The following DPP6 variants were observed in gnomAD, a reference collection of about 807,000 sequenced individuals.
DPP6 encodes dipeptidyl peptidase like 6, also known as A-type potassium channel modulatory protein DPP6.
Under a neutral mutation model 122.6 loss-of-function variants are expected in DPP6, and 69 were observed. The observed-to-expected ratio is 0.56, with a 90% CI of 0.46 to 0.69. The LOEUF (loss-of-function observed/expected upper bound fraction) is 0.69. Ranked by LOEUF, DPP6 falls within the 30% of genes least tolerant of loss-of-function variation. The pLI, the probability that DPP6 is intolerant of heterozygous loss-of-function variation, is 0.00. For synonymous variants in DPP6, 418 were observed against 433.1 expected, an observed-to-expected ratio of 0.97 and a Z score of 0.43; for missense variants, 928 against 1,116.9, an observed-to-expected ratio of 0.83 and a Z score of 2.41.
At chr7:154,497,800 G>T (rs567153986) in intron 3 of DPP6, among the ~76,000 whole-genome samples, 2 of 151,856 alleles carry the variant, frequency 1.3e-5, no homozygotes, top group African/African-American at 4.8e-5. Flanking sequence ...TAAAACAAAG[G>T]GTCGTCAATA....
chr7:154,412,453 A>G (rs1816684116), intron 1 of DPP6, among the ~76,000 whole-genome samples: 1 of 152,010 alleles, frequency 6.6e-6, no homozygotes, highest in Admixed American at 6.6e-5. Flanking sequence ...CTCTTCTTTT[A>G]AGAACAGTGC....
At chr7:154,456,564 GC>G (rs369438653) in intron 2 of DPP6, among the ~76,000 whole-genome samples, 3 of 96,702 alleles carry the variant, frequency 3.1e-5, no homozygotes, top group Non-Finnish European at 4.6e-5. Flanking sequence ...TAAAAAATGC[GC>G]CCCCCCCACC....
intron 5 of DPP6, among the ~76,000 whole-genome samples, chr7:154,579,701 CAG>C (rs1007662398): frequency 6.6e-6 from 1 of 152,136 alleles, no homozygotes; most frequent in African/African-American, 2.4e-5. Flanking sequence ...GCAGGAGTGA[CAG>C]AGAGGAACAG....
chr7:154,147,368 A>G (rs146774253), intron 1 of DPP6, among the ~76,000 whole-genome samples: 5,615 of 143,244 alleles, frequency 0.039, no homozygotes, highest in African/African-American at 0.15. Flanking sequence ...AAAAGTCTCA[A>G]TGGAATCTAT....
intron 5 of DPP6, among the ~76,000 whole-genome samples, chr7:154,615,309 A>G (rs1425595610): frequency 1.3e-5 from 2 of 152,134 alleles, no homozygotes; most frequent in African/African-American, 4.8e-5. Context: ...GCAATTCCTG[A>G]TAGTGAAATA....
chr7:154,250,187 A>G (rs1166581607), intron 1 of DPP6, among the ~76,000 whole-genome samples: 1 of 151,910 alleles, frequency 6.6e-6, no homozygotes, highest in Non-Finnish European at 1.5e-5. Context: ...GGAATTGCTC[A>G]CTCGGGAGCT....
chr7:154,727,619 C>A, intron 7 of DPP6, 148 bp from the exon 8 acceptor site: 1 of 1,102,630 alleles, frequency 9.1e-7, no homozygotes. Flanking sequence ...GTGGGTAGAC[C>A]TCCAAGAATT....
At chr7:154,882,574 A>T (rs1346235492) in intron 21 of DPP6, among the ~76,000 whole-genome samples, 1 of 152,006 alleles carries the variant, frequency 6.6e-6, no homozygotes. Flanking sequence ...AGGACCTGGG[A>T]CACAGAGCCC....
the DPP6 span, among the ~76,000 whole-genome samples, chr7:153,754,542 C>A: frequency 0.48 from 72,107 of 151,004 alleles, 17,369 homozygotes; most frequent in East Asian, 0.67. Context: ...ATATTTATTA[C>A]CGTAGTGGGT....
intron 8 of DPP6, among the ~76,000 whole-genome samples, chr7:154,739,426 G>T (rs1842717683): frequency 6.6e-6 from 1 of 152,172 alleles, no homozygotes; most frequent in Admixed American, 6.5e-5. Flanking sequence ...GGGACGCCAG[G>T]GGTCCATCTG....
chr7:154,197,028 C>T (rs77455549), intron 1 of DPP6, among the ~76,000 whole-genome samples: 4,974 of 152,042 alleles, frequency 0.033, 292 homozygotes, highest in African/African-American at 0.11. Context: ...CTCTTCTCCC[C>T]ATAAAGTCTC....
chr7:154,448,553 T>G (rs903988707), intron 2 of DPP6, among the ~76,000 whole-genome samples: 3 of 152,172 alleles, frequency 2.0e-5, no homozygotes, highest in African/African-American at 4.8e-5. Context: ...CCCTCTTTCT[T>G]TCTTAAAGAA....
Position 154,481,365 on chromosome 7 carries a change from G to GTC in DPP6, c.457+6329_457+6330insCT, listed in dbSNP as rs1268985017. ...GAGAGGGGTGTGTGTGTGTGTGTGTGTGTGTGTGTCTGTGTGTGTGTGCAT... is the reference window on the plus strand; with the variant it reads ...GAGAGGGGTGTGTGTGTGTGTGTGTGTCTGTGTGTGTCTGTGTGTGTGTGCAT... On this transcript the variant is annotated intron_variant, in intron 3 of 25. Transcript: ENST00000377770. The surrounding 1 kb of genome is among the most constrained non-coding windows in gnomAD (Gnocchi z 4.2). Among the ~76,000 whole-genome samples the GTC allele has an allele frequency of 1.3e-5, 2 of 151,628 alleles. No individual in the cohort carries two copies. Among genetic ancestry groups the GTC allele is most frequent in the African/African-American group, 4.8e-5 (2 of 41,252 alleles).
At chr7:154,742,526 G>T (rs111769992) in intron 8 of DPP6, among the ~76,000 whole-genome samples, 10 of 152,314 alleles carry the variant, frequency 6.6e-5, no homozygotes, top group African/African-American at 2.4e-4. Context: ...GATAGGACCA[G>T]ATCATAGCTC....
chr7:154,419,802 G>A lies in DPP6; in HGVS notation c.244-26412G>A, dbSNP rs1298541506. ...CCTCTATACTCTTTTTCTCATAACA[G>A]CAGCACCGTTTTGAATTCCCACCAG... On this transcript the variant is annotated intron_variant, in intron 1 of 25. Transcript: ENST00000377770. 6.6e-5 allele frequency among the ~76,000 whole-genome samples: 10 copies of A among 152,228 alleles called. No homozygotes were observed. In the South Asian group the frequency reaches 2.1e-3, roughly 32 times the overall value.
intron 1 of DPP6, among the ~76,000 whole-genome samples, chr7:154,160,663 C>A (rs1796935215): frequency 6.6e-6 from 1 of 152,120 alleles, no homozygotes; most frequent in African/African-American, 2.4e-5. Context: ...AGTAGCCAAA[C>A]CCGGTATACC....
At chr7:154,379,096 A>T (rs1813372301) in intron 1 of DPP6, among the ~76,000 whole-genome samples, 1 of 152,194 alleles carries the variant, frequency 6.6e-6, no homozygotes, top group African/African-American at 2.4e-5. Flanking sequence ...GTTATGATTT[A>T]AACATATGAA....
At chr7:154,491,619 A>G (rs1224527973) in intron 3 of DPP6, among the ~76,000 whole-genome samples, 2 of 152,220 alleles carry the variant, frequency 1.3e-5, no homozygotes. Flanking sequence ...AAAGAAGAAC[A>G]AAAGCTCCAC....
chr7:154,138,016 T>C (rs1795663744), intron 1 of DPP6, among the ~76,000 whole-genome samples: 2 of 152,142 alleles, frequency 1.3e-5, no homozygotes, highest in Non-Finnish European at 2.9e-5. Flanking sequence ...AACCCTAGGG[T>C]GTTTCTGCAG....
Sources: gnomAD v4.1 joint callset for allele counts (sites outside exome capture counted in the v4.1 genomes callset) on GRCh38, gnomAD v4.1.1 for gene constraint, Gnocchi (gnomAD v3.1) non-coding constraint, MANE v1.5 for transcripts, NCBI Gene and HGNC (gene_info 2026-07-23, HGNC 2026-07-21) for gene names.